The following CNTLN variants were observed in gnomAD, a reference collection of about 807,000 sequenced individuals.
CNTLN encodes the protein centlein.
A neutral mutation model predicts 180.0 loss-of-function variants in CNTLN; 212 were observed. That is an observed-to-expected ratio of 1.18 (90% CI 1.05 to 1.32). CNTLN has a LOEUF of 1.32. Ranked by LOEUF, CNTLN falls within the 40% of genes most tolerant of loss-of-function variation. The pLI is 0.00. For synonymous variants in CNTLN, 722 were observed against 563.1 expected, an observed-to-expected ratio of 1.28 and a Z score of -3.99; for missense variants, 2,095 against 1,610.9, an observed-to-expected ratio of 1.30 and a Z score of -5.14.
intron 16 of CNTLN, among the ~76,000 whole-genome samples, chr9:17,414,271 AT>A (rs1828064641): frequency 6.6e-6 from 1 of 152,146 alleles, no homozygotes; most frequent in Non-Finnish European, 1.5e-5. Flanking sequence ...TTTCCCTTGT[AT>A]TTTTTGCCAT....
chr9:17,176,550 T>C (rs1180196290), intron 2 of CNTLN, among the ~76,000 whole-genome samples: 1 of 152,226 alleles, frequency 6.6e-6, no homozygotes, highest in Admixed American at 6.5e-5. Context: ...TATAGCTTTC[T>C]TTTATTGTAC....
intron 20 of CNTLN, among the ~76,000 whole-genome samples, chr9:17,463,821 T>G (rs1249948296): frequency 6.6e-6 from 1 of 151,594 alleles, no homozygotes; most frequent in African/African-American, 2.4e-5. Context: ...TTAATAATAT[T>G]AAATTAGGTT....
chr9:17,348,247 T>C (rs1377576503), intron 12 of CNTLN, among the ~76,000 whole-genome samples: 2 of 152,214 alleles, frequency 1.3e-5, no homozygotes, highest in African/African-American at 4.8e-5. Flanking sequence ...TACACCATCA[T>C]AAAGTTGAAA....
chr9:17,176,959 A>AT (rs1430988806), intron 2 of CNTLN, among the ~76,000 whole-genome samples: 13 of 151,676 alleles, frequency 8.6e-5, no homozygotes, highest in Admixed American at 2.6e-4. Context: ...TCTTTTCCCT[A>AT]TTTTTTTCCC....
chr9:17,520,865 C>T, the CNTLN span, among the ~76,000 whole-genome samples: 23 of 152,110 alleles, frequency 1.5e-4, no homozygotes, highest in South Asian at 8.3e-4. Flanking sequence ...GTTGCCTTGG[C>T]GATGGAGGCT....
chr9:17,525,926 T>C, the CNTLN span, among the ~76,000 whole-genome samples: 1 of 152,132 alleles, frequency 6.6e-6, no homozygotes, highest in Non-Finnish European at 1.5e-5. Context: ...TTTTTATTTA[T>C]TTTTCTATTT....
chr9:17,254,232 T>C (rs1320695457), intron 5 of CNTLN, among the ~76,000 whole-genome samples: 2 of 151,746 alleles, frequency 1.3e-5, no homozygotes, highest in Admixed American at 1.3e-4. Context: ...TTGTTGCCTT[T>C]TTAATCTGTT....
chr9:17,143,066 A>G (rs1011033905), intron 1 of CNTLN, among the ~76,000 whole-genome samples: 1 of 152,254 alleles, frequency 6.6e-6, no homozygotes, highest in Admixed American at 6.5e-5. Context: ...CAACAGTTGC[A>G]TCCCAAAATA....
At chr9:17,247,949 A>G (rs779154175) in intron 5 of CNTLN, among the ~76,000 whole-genome samples, 6 of 149,904 alleles carry the variant, frequency 4.0e-5, no homozygotes, top group Non-Finnish European at 7.4e-5. Flanking sequence ...TCCAACCTCA[A>G]CCTTGGAAGC....
At chr9:17,286,619 T>C (rs1229071055) in intron 6 of CNTLN, among the ~76,000 whole-genome samples, 32 of 128,058 alleles carry the variant, frequency 2.5e-4, no homozygotes, top group Admixed American at 6.3e-4. Flanking sequence ...TTCACGATAT[T>C]GATTCTTCCT....
At chr9:17,149,530 T>G (rs1320658998) in intron 2 of CNTLN, among the ~76,000 whole-genome samples, 1 of 146,954 alleles carries the variant, frequency 6.8e-6, no homozygotes, top group Non-Finnish European at 1.5e-5. Flanking sequence ...TTTTTTTTTT[T>G]TTTTAGAGAC....
chr9:17,230,804 C>T (rs572356309), intron 3 of CNTLN, among the ~76,000 whole-genome samples: 1 of 152,162 alleles, frequency 6.6e-6, no homozygotes, highest in South Asian at 2.1e-4. Context: ...TGTGTCACCT[C>T]TTATTGTTTT....
At chr9:17,267,141 C>G (rs943612542) in intron 5 of CNTLN, among the ~76,000 whole-genome samples, 17 of 152,126 alleles carry the variant, frequency 1.1e-4, no homozygotes, top group African/African-American at 3.9e-4. Flanking sequence ...CCTTGATGGT[C>G]TTTACATTTT....
intron 18 of CNTLN, among the ~76,000 whole-genome samples, chr9:17,425,761 G>C (rs894951509): frequency 1.3e-4 from 20 of 152,230 alleles, no homozygotes; most frequent in African/African-American, 4.3e-4. Context: ...ACCTTGGATT[G>C]GCTGAATTGT....
At chr9:17,201,043 GGA>G (rs1440340327) in intron 2 of CNTLN, among the ~76,000 whole-genome samples, 59 of 152,098 alleles carry the variant, frequency 3.9e-4, no homozygotes, top group Non-Finnish European at 7.6e-4. Flanking sequence ...TAACATGAAG[GGA>G]TGTTGAATTT....
At chr9:17,144,567 C>T (rs918633409) in intron 2 of CNTLN, among the ~76,000 whole-genome samples, 1 of 151,900 alleles carries the variant, frequency 6.6e-6, no homozygotes, top group African/African-American at 2.4e-5. Flanking sequence ...TAAACAGAAG[C>T]AGATATTAAA....
At chr9:17,438,013 G>A (rs889786433) in intron 18 of CNTLN, among the ~76,000 whole-genome samples, 4 of 152,148 alleles carry the variant, frequency 2.6e-5, no homozygotes, top group Non-Finnish European at 4.4e-5. Context: ...ACATCTAGCT[G>A]ACATAGCAGT....
chr9:17,176,444 C>T (rs1436788638), intron 2 of CNTLN, among the ~76,000 whole-genome samples: 1 of 152,134 alleles, frequency 6.6e-6, no homozygotes, highest in African/African-American at 2.4e-5. Context: ...GAATAAATTT[C>T]ACTTGGTCGT....
At chr9:17,327,498 T>G (rs1401421211) in intron 8 of CNTLN, among the ~76,000 whole-genome samples, 1 of 151,466 alleles carries the variant, frequency 6.6e-6, no homozygotes, top group African/African-American at 2.4e-5. Context: ...CCTTTTTTTT[T>G]TTTTTTTCAA....
Sources: allele counts gnomAD v4.1 joint callset (sites outside exome capture counted in the v4.1 genomes callset), GRCh38; gene constraint gnomAD v4.1.1; transcripts MANE v1.5; gene names NCBI Gene and HGNC (gene_info 2026-07-23, HGNC 2026-07-21).